The following TGFBI variants were observed in gnomAD, a reference collection of about 807,000 sequenced individuals.
TGFBI encodes transforming growth factor beta induced.
A neutral mutation model predicts 73.7 loss-of-function variants in TGFBI; 50 were observed. The ratio of observed to expected loss-of-function variants is 0.68; its 90% CI spans 0.54 to 0.86. TGFBI has a LOEUF of 0.86. Among genes scored for constraint, TGFBI ranks in the 40% least tolerant of loss-of-function variants. The probability of loss-of-function intolerance (pLI) is 0.00; values close to 1 mark genes in which losing one functional copy is unlikely to be tolerated. For synonymous variants in TGFBI, 362 were observed against 360.5 expected, an observed-to-expected ratio of 1.00 and a Z score of -0.05; for missense variants, 839 against 877.0, an observed-to-expected ratio of 0.96 and a Z score of 0.55.
Position 136,043,155 on chromosome 5 carries a change from C to T in TGFBI, c.234-903C>T, listed in dbSNP as rs1168358105. 3.3e-5 allele frequency among the ~76,000 whole-genome samples: 5 copies of T among 152,314 alleles called. No individual in the cohort carries two copies. In the East Asian group the frequency reaches 9.6e-4, roughly 29 times the overall value. ...TGAGTAGAGGTCGTGCTCACTCCAC[C>T]GAAGGTACAGGGTAGCCTTCAGCAG... On this transcript the variant is annotated intron_variant, in intron 2 of 16. Coordinates refer to ENST00000442011, the MANE Select transcript of TGFBI (RefSeq NM_000358.3).
rs772749342 is a variant in TGFBI at position 136,053,080 on chromosome 5, G to A, written c.1087G>A (p.Val363Met). ...SNKDILATNG[V>M]IHYIDELLIP... Reference sequence around the variant, plus strand: ...TAAAGACATCCTAGCCACCAACGGGGTGATCCACTACATTGATGAGCTACT... The same window carrying A: ...TAAAGACATCCTAGCCACCAACGGGATGATCCACTACATTGATGAGCTACT... The change falls in exon 8 of 17, where the codon GTG (valine) becomes ATG (methionine). Residue 363 changes from valine (V) to methionine (M), a missense_variant. Physicochemically the swap from Val to Met is conservative, Grantham distance 21. Transcript: ENST00000442011. 1.9e-6 allele frequency: 3 copies of A among 1,614,050 alleles called. No individual in the cohort carries two copies. Among genetic ancestry groups the A allele is most frequent in the Non-Finnish European group, 2.5e-6 (3 of 1,179,904 alleles).
intron 2 of TGFBI, among the ~76,000 whole-genome samples, chr5:136,041,397 G>A (rs921946214): frequency 1.8e-4 from 28 of 152,236 alleles, no homozygotes; most frequent in African/African-American, 6.8e-4. Flanking sequence ...TGGGACATGG[G>A]TGCTGAAAGA....
intron 13 of TGFBI, among the ~76,000 whole-genome samples, chr5:136,059,580 G>T (rs1434830635): frequency 6.6e-6 from 1 of 152,222 alleles, no homozygotes; most frequent in Non-Finnish European, 1.5e-5. Flanking sequence ...TCACTGAGTT[G>T]TACCATGAAC....
chr5:136,061,399 T>C (rs893226793), intron 14 of TGFBI, 101 bp from the exon 15 acceptor site: 4 of 827,010 alleles, frequency 4.8e-6, no homozygotes, highest in African/African-American at 1.7e-5. Flanking sequence ...TCTTTGGAAA[T>C]GTGAGCCAGA....
At chr5:136,058,778 G>A in intron 12 of TGFBI, 1 of 249,732 alleles carries the variant, frequency 4.0e-6, no homozygotes. Flanking sequence ...CATACTCACA[G>A]AGGAGTATGG....
intron 14 of TGFBI, 132 bp downstream of exon 14, chr5:136,061,068 G>C: frequency 2.9e-6 from 2 of 686,890 alleles, no homozygotes; most frequent in Non-Finnish European, 4.8e-6. Flanking sequence ...GTGCCTATGT[G>C]ACTGATTGCA....
chr5:136,059,152 G>A lies in TGFBI; in HGVS notation c.1741G>A (p.Gly581Arg), dbSNP rs200887459. The A allele has an allele frequency of 1.5e-4, 241 of 1,610,926 alleles. No homozygotes were observed. The highest frequency in any genetic ancestry group is 3.4e-4 in the Middle Eastern group (2 of 5,922). The change falls in exon 13 of 17, where the codon GGA becomes AGA. Residue 581 changes from glycine (G) to arginine (R), a missense_variant. Gly to Arg is a moderately radical substitution (Grantham distance 125). Coordinates refer to ENST00000442011, the MANE Select transcript of TGFBI (RefSeq NM_000358.3). The part of the protein sequence containing the change: ...YHIGDEILVS[G>R]GIGALVRLKS... ...CATTGGTGATGAAATCCTGGTTAGC[G>A]GAGGCATCGGGGCCCTGGTGCGGCT... is the stretch of plus-strand genomic sequence containing the variant.
intron 7 of TGFBI, among the ~76,000 whole-genome samples, chr5:136,050,740 C>T (rs1384404522): frequency 6.6e-6 from 1 of 152,170 alleles, no homozygotes; most frequent in African/African-American, 2.4e-5. Context: ...TTTCAGACAC[C>T]CTATACATCT....
chr5:136,045,653 G>T (rs1351460312), intron 3 of TGFBI: 1 of 152,154 alleles, frequency 6.6e-6, no homozygotes, highest in African/African-American at 2.4e-5. Context: ...GGGAGAGGTT[G>T]GTGCGGGTGG....
At position 136,049,458 on chromosome 5, in the gene TGFBI, G is replaced by A; in HGVS notation, c.791G>A (p.Gly264Glu). ...CCACAGGCTGCTGTGGCTGCATCAGGGCTCAACACGATGCTTGAAGGTAAC... is the reference window on the plus strand; with the variant it reads ...CCACAGGCTGCTGTGGCTGCATCAGAGCTCAACACGATGCTTGAAGGTAAC... ...ETLRAAVAASGLNTMLEGNGQ... is the reference protein window; with the variant it reads ...ETLRAAVAASELNTMLEGNGQ... Residue 264 changes from glycine to glutamate, a missense_variant, in exon 7 of 17, where the codon GGG becomes GAG. Physicochemically the swap from Gly to Glu is moderately conservative, Grantham distance 98 (BLOSUM62 -2). Coordinates refer to ENST00000442011, the MANE Select transcript of TGFBI (RefSeq NM_000358.3). 6.2e-7 allele frequency: 1 copy of A among 1,613,948 alleles called. No individual in the cohort carries two copies. The highest frequency in any genetic ancestry group is 8.5e-7 in the Non-Finnish European group (1 of 1,179,860).
chr5:136,047,557 T>A (rs547293535), intron 6 of TGFBI, 137 bp downstream of exon 6: 45 of 1,006,410 alleles, frequency 4.5e-5, no homozygotes, highest in Non-Finnish European at 6.3e-5. Flanking sequence ...CTGAATGCCC[T>A]TGAACATGGA....
At chr5:136,063,149 C>G (rs779690823) in intron 16 of TGFBI, 37 bp from the exon 17 acceptor site, 5 of 1,598,592 alleles carry the variant, frequency 3.1e-6, no homozygotes, top group Non-Finnish European at 4.3e-6. Flanking sequence ...ATGGGGAGAT[C>G]TGCACCTATT....
chr5:136,047,201 T>G, intron 5 of TGFBI, 73 bp from the exon 6 acceptor site: 1 of 1,587,306 alleles, frequency 6.3e-7, no homozygotes, highest in Non-Finnish European at 8.6e-7. Flanking sequence ...GAAAACACTG[T>G]TTTCTCCTCC....
In TGFBI at chr5:136,056,733, T is replaced by C; in HGVS notation, c.1616T>C (p.Val539Ala). 1 of 1,613,844 alleles carries C rather than the reference T, an allele frequency of 6.2e-7. No homozygotes were observed. The highest frequency in any genetic ancestry group is 8.5e-7 in the Non-Finnish European group (1 of 1,179,874). ...ETLNREGVYTVFAPTNEAFRA... is the reference protein window; with the variant it reads ...ETLNREGVYTAFAPTNEAFRA... ...CTCAACCGGGAAGGAGTCTACACAG[T>C]CTTTGCTCCCACAAATGAAGCCTTC... Residue 539 changes from valine (V) to alanine (A), a missense_variant, in exon 12 of 17, where the codon GTC (valine) becomes GCC (alanine). Transcript: ENST00000442011.
chr5:136,059,109 C>T lies in TGFBI; in HGVS notation c.1698C>T (p.Ala566=). Residue 566 remains alanine, a synonymous_variant, in exon 13 of 17, where the codon GCC becomes GCT. Coordinates refer to ENST00000442011, the MANE Select transcript of TGFBI (RefSeq NM_000358.3). ...SRLLGDAKEL[A]NILKYHIGDE... ...CTGCAGGAGATGCCAAGGAACTTGCCAACATCCTGAAATACCACATTGGTG... is the reference window on the plus strand; with the variant it reads ...CTGCAGGAGATGCCAAGGAACTTGCTAACATCCTGAAATACCACATTGGTG... 1 of 1,611,558 alleles carries T rather than the reference C, an allele frequency of 6.2e-7. No individual in the cohort carries two copies. The highest frequency in any genetic ancestry group is 8.5e-7 in the Non-Finnish European group (1 of 1,179,028).
chr5:136,061,176 G>C lies in TGFBI; in HGVS notation c.1906+240G>C, dbSNP rs529731927. 388 of 577,852 alleles carry C rather than the reference G, an allele frequency of 6.7e-4. 5 individuals are homozygous for C. In the South Asian group the frequency reaches 8.3e-3, roughly 12 times the overall value. The allele number at this position is 577,852 out of a possible 1,614,324, so 35.8% of individuals were successfully genotyped here. A position where few individuals can be genotyped will look rare whatever the true frequency, so the allele number is the denominator to read the frequency against. ...TTGCCCAGCTATATTAGCTCCCCTCGGACACAGCCCAGTTTTCTGTATTCG... is the reference window on the plus strand; with the variant it reads ...TTGCCCAGCTATATTAGCTCCCCTCCGACACAGCCCAGTTTTCTGTATTCG... On this transcript the variant is annotated intron_variant, in intron 14 of 16. Coordinates refer to ENST00000442011, the MANE Select transcript of TGFBI (RefSeq NM_000358.3).
intron 3 of TGFBI, chr5:136,044,938 A>G (rs894423863): frequency 6.6e-5 from 10 of 152,230 alleles, no homozygotes; most frequent in Non-Finnish European, 1.5e-4. Context: ...GATTACTTAT[A>G]ATACCAAATA....
intron 11 of TGFBI, among the ~76,000 whole-genome samples, chr5:136,056,293 G>T (rs190555395): frequency 3.6e-4 from 55 of 152,254 alleles, no homozygotes; most frequent in African/African-American, 1.3e-3. Context: ...CCCTGTCACT[G>T]ACTTCAGCCA....
At chr5:136,059,719 C>A (rs971522578) in intron 13 of TGFBI, among the ~76,000 whole-genome samples, 7 of 152,204 alleles carry the variant, frequency 4.6e-5, no homozygotes, top group Non-Finnish European at 7.3e-5. Flanking sequence ...AGCCGAGCTC[C>A]AGAAATCTCC....
Sources: allele counts gnomAD v4.1 joint callset (sites outside exome capture counted in the v4.1 genomes callset), GRCh38; gene constraint gnomAD v4.1.1; transcripts MANE v1.5; gene names NCBI Gene and HGNC (gene_info 2026-07-23, HGNC 2026-07-21).